NRXN1: variants seen among roughly 807,000 people sequenced by gnomAD.
NRXN1 encodes the protein neurexin 1.
A neutral mutation model predicts 150.9 loss-of-function variants in NRXN1; 39 were observed. That is an observed-to-expected ratio of 0.26 (90% CI 0.20 to 0.34). The LOEUF (loss-of-function observed/expected upper bound fraction) is 0.34. Among genes scored for constraint, NRXN1 ranks in the 10% least tolerant of loss-of-function variants. The probability of loss-of-function intolerance (pLI) is 1.00; values close to 1 mark genes in which losing one functional copy is unlikely to be tolerated. For missense variants in NRXN1, 1,815 were observed against 1,949.9 expected (o/e 0.93, Z 1.30); for synonymous variants, 924 against 757.0 (o/e 1.22, Z -3.62).
chr2:50,360,545 T>C (rs1384027764), intron 17 of NRXN1, among the ~76,000 whole-genome samples: 2 of 152,156 alleles, frequency 1.3e-5, no homozygotes, highest in East Asian at 1.9e-4. Flanking sequence ...AAGGAATCAA[T>C]GCAACAAGAA....
At chr2:50,424,934 T>G (rs1385799366) in intron 17 of NRXN1, among the ~76,000 whole-genome samples, 1 of 152,220 alleles carries the variant, frequency 6.6e-6, no homozygotes, top group Non-Finnish European at 1.5e-5. Flanking sequence ...TTCACTGTAG[T>G]TCTTCATTCT....
intron 17 of NRXN1, among the ~76,000 whole-genome samples, chr2:50,350,700 G>A (rs574661888): frequency 1.3e-5 from 2 of 152,286 alleles, no homozygotes; most frequent in African/African-American, 2.4e-5. Context: ...ACCTTCCCAA[G>A]AGCATTCAAT....
At chr2:50,098,828 TA>T in intron 18 of NRXN1, among the ~76,000 whole-genome samples, 1 of 110,092 alleles carries the variant, frequency 9.1e-6, no homozygotes, top group Non-Finnish European at 1.8e-5. Context: ...TTTTTGGTTT[TA>T]GTTTTTTTTT....
intron 5 of NRXN1, among the ~76,000 whole-genome samples, chr2:50,649,047 C>T (rs575821610): frequency 6.6e-6 from 1 of 151,836 alleles, no homozygotes; most frequent in Non-Finnish European, 1.5e-5. Context: ...TTAGGTTTTC[C>T]CTGATTTGCC....
chr2:50,249,399 A>G (rs80066188), intron 17 of NRXN1, among the ~76,000 whole-genome samples: 13,000 of 152,166 alleles, frequency 0.085, 717 homozygotes, highest in African/African-American at 0.14. Flanking sequence ...CAAACAAATC[A>G]ACAAAAAACA....
rs189149308 is a variant in NRXN1 at position 50,134,750 on chromosome 2, A to T, written c.3547-43256T>A. Among the ~76,000 whole-genome samples the T allele has an allele frequency of 7.9e-4, 120 of 152,194 alleles. 1 individual carries two copies. The highest frequency in any genetic ancestry group is 1.2e-4 in the Non-Finnish European group (8 of 68,010). ...CTGCAAATATTTCTTAGTGAAGTCT[A>T]TTTTACCCCTTTTACACTCACAAAC... is the stretch of plus-strand genomic sequence containing the variant. On this transcript the variant is annotated intron_variant, in intron 18 of 22. Transcript: ENST00000401669.
intron 5 of NRXN1, among the ~76,000 whole-genome samples, chr2:50,819,901 C>T (rs1445522851): frequency 6.6e-6 from 1 of 152,032 alleles, no homozygotes. Flanking sequence ...ATGATAATTC[C>T]TGTGTTTGCC....
intron 17 of NRXN1, among the ~76,000 whole-genome samples, chr2:50,307,019 C>G (rs1208324561): frequency 6.6e-6 from 1 of 152,028 alleles, no homozygotes; most frequent in East Asian, 1.9e-4. Context: ...GAGTCTTGCT[C>G]TGTTGCCCAG....
chr2:50,356,869 C>G (rs184615799), intron 17 of NRXN1, among the ~76,000 whole-genome samples: 2 of 152,092 alleles, frequency 1.3e-5, no homozygotes, highest in East Asian at 3.9e-4. Context: ...TTTAAATGAA[C>G]TAGTTTACCT....
chr2:50,009,986 A>G (rs1685390037), intron 21 of NRXN1, among the ~76,000 whole-genome samples: 1 of 152,134 alleles, frequency 6.6e-6, no homozygotes, highest in South Asian at 2.1e-4. Flanking sequence ...AATAGGATTA[A>G]ATATATTTTT....
intron 17 of NRXN1, among the ~76,000 whole-genome samples, chr2:50,272,352 T>G (rs974927073): frequency 1.3e-5 from 2 of 152,114 alleles, no homozygotes; most frequent in African/African-American, 2.4e-5. Flanking sequence ...AAAGAGACAG[T>G]AGGAGAAACG....
intron 2 of NRXN1, among the ~76,000 whole-genome samples, chr2:51,018,596 C>T (rs1368949743): frequency 2.6e-5 from 4 of 152,046 alleles, no homozygotes; most frequent in East Asian, 1.9e-4. Context: ...CTTCTCATTA[C>T]GACATTTCAA....
At chr2:50,711,943 C>T (rs1430860376) in intron 5 of NRXN1, among the ~76,000 whole-genome samples, 3 of 152,080 alleles carry the variant, frequency 2.0e-5, no homozygotes, top group African/African-American at 4.8e-5. Context: ...TGATCTTGGA[C>T]GTGCCAGTCC....
At chr2:50,917,306 T>C (rs1685351025) in intron 5 of NRXN1, 1 of 151,696 alleles carries the variant, frequency 6.6e-6, no homozygotes, top group South Asian at 2.1e-4. Flanking sequence ...AGAAGATACA[T>C]ATCATATTTT....
intron 18 of NRXN1, among the ~76,000 whole-genome samples, chr2:50,232,348 A>G (rs1382577109): frequency 6.6e-6 from 1 of 151,738 alleles, no homozygotes; most frequent in African/African-American, 2.4e-5. Flanking sequence ...TAAATGATGA[A>G]AAGTCACATT....
At chr2:50,166,266 G>C (rs2059673206) in intron 18 of NRXN1, among the ~76,000 whole-genome samples, 1 of 149,558 alleles carries the variant, frequency 6.7e-6, no homozygotes, top group African/African-American at 2.5e-5. Flanking sequence ...TTTTGGATAG[G>C]AGTACTCAAC....
intron 2 of NRXN1, among the ~76,000 whole-genome samples, chr2:50,934,355 A>G (rs1165296404): frequency 6.6e-6 from 1 of 152,222 alleles, no homozygotes; most frequent in African/African-American, 2.4e-5. Flanking sequence ...TACTAATAAT[A>G]GGCATTAAAT....
At chr2:51,016,979 T>C (rs189712451) in intron 2 of NRXN1, among the ~76,000 whole-genome samples, 8 of 152,192 alleles carry the variant, frequency 5.3e-5, no homozygotes, top group East Asian at 3.9e-4. Flanking sequence ...CTGGAAACCA[T>C]TGTTCTCAGC....
At chr2:50,181,235 G>A (rs2060692013) in intron 18 of NRXN1, among the ~76,000 whole-genome samples, 1 of 142,876 alleles carries the variant, frequency 7.0e-6, no homozygotes, top group Non-Finnish European at 1.5e-5. Context: ...CAATTTAATG[G>A]TGAGTTTAAA....
Sources: allele counts gnomAD v4.1 joint callset (sites outside exome capture counted in the v4.1 genomes callset), GRCh38; gene constraint gnomAD v4.1.1; transcripts MANE v1.5; gene names NCBI Gene and HGNC (gene_info 2026-07-23, HGNC 2026-07-21).